Variants in ITGAE observed in about 807,000 individuals in gnomAD.
ITGAE encodes the protein integrin subunit alpha E, also known as integrin alpha-E.
A neutral mutation model predicts 136.5 loss-of-function variants in ITGAE; 99 were observed. That is an observed-to-expected ratio of 0.73 (90% CI 0.62 to 0.86). ITGAE has a LOEUF of 0.86. Ranked by LOEUF, ITGAE falls within the 40% of genes least tolerant of loss-of-function variation. The pLI, the probability that ITGAE is intolerant of heterozygous loss-of-function variation, is 0.00. For missense variants in ITGAE, 1,447 were observed against 1,515.3 expected, an observed-to-expected ratio of 0.95 and a Z score of 0.75; for synonymous variants, 613 against 591.8, an observed-to-expected ratio of 1.04 and a Z score of -0.52.
chr17:3,760,710 G>T (rs1420312977), intron 6 of ITGAE, among the ~76,000 whole-genome samples: 1 of 152,030 alleles, frequency 6.6e-6, no homozygotes, highest in African/African-American at 2.4e-5. Context: ...AAAATGCTGG[G>T]ATTACAGGCA....
chr17:3,725,221 C>A (rs1425467067), intron 26 of ITGAE: 2 of 1,614,064 alleles, frequency 1.2e-6, no homozygotes, highest in African/African-American at 1.3e-5. Flanking sequence ...ATGAACAGAA[C>A]AAGTGGTGCT....
At chr17:3,767,307 A>G (rs2052323923) in intron 2 of ITGAE, among the ~76,000 whole-genome samples, 1 of 152,104 alleles carries the variant, frequency 6.6e-6, no homozygotes, top group Non-Finnish European at 1.5e-5. Context: ...CATGTTGGCC[A>G]GGCTGGTCTT....
intron 1 of ITGAE, among the ~76,000 whole-genome samples, chr17:3,796,148 CG>C (rs2053091621): frequency 7.7e-6 from 1 of 130,298 alleles, no homozygotes. Flanking sequence ...TGTGTGCATC[CG>C]TGTGTGTGTG....
chr17:3,759,720 G>C (rs912873872), intron 7 of ITGAE, among the ~76,000 whole-genome samples, 167 bp from the exon 8 acceptor site: 1 of 152,200 alleles, frequency 6.6e-6, no homozygotes, highest in African/African-American at 2.4e-5. Flanking sequence ...GGTGGAGAAG[G>C]GTGCGATAGT....
chr17:3,747,808 C>T lies in ITGAE; in HGVS notation c.2155+114G>A, dbSNP rs531181291. On this transcript the variant is annotated intron_variant, in intron 17 of 30. Transcript: ENST00000263087. ...AATCGAGGGATTTCAAGCACCAGGA[C>T]CTCAGACCAACACCCACCCACCCCC... is the stretch of plus-strand genomic sequence containing the variant. 6.5e-5 allele frequency: 46 copies of T among 709,254 alleles called. No individual in the cohort carries two copies. The African/African-American group carries it at 7.8e-4, about 12-fold the overall frequency. 43.9% of individuals were successfully genotyped at this position (709,254 alleles called of 1,614,324 possible). A position where few individuals can be genotyped will look rare whatever the true frequency, so the allele number is the denominator to read the frequency against.
At chr17:3,750,308 G>A (rs369248020) in intron 16 of ITGAE, 44 bp downstream of exon 16, 1 of 1,608,998 alleles carries the variant, frequency 6.2e-7, no homozygotes, top group African/African-American at 1.3e-5. Flanking sequence ...GGGCAAATGG[G>A]TGAGGCTGGG....
chr17:3,733,144 C>T lies in ITGAE; in HGVS notation c.2656-678G>A, dbSNP rs936667376. Reference sequence around the variant, plus strand: ...GATTATAGGTGCCCACCACCACGCCCGGCTAATTTTTTGTATTTTTAATAG... The same window carrying T: ...GATTATAGGTGCCCACCACCACGCCTGGCTAATTTTTTGTATTTTTAATAG... On this transcript the variant is annotated intron_variant, in intron 21 of 30. Transcript: ENST00000263087. Among the ~76,000 whole-genome samples the T allele has an allele frequency of 1.6e-4, 25 of 152,038 alleles. No individual in the cohort carries two copies. The East Asian group carries it at 1.9e-3, about 12-fold the overall frequency.
intron 5 of ITGAE, 33 bp downstream of exon 5, chr17:3,761,350 ACCAAGGAGATCTCTTTAGAG>A: frequency 6.4e-7 from 1 of 1,553,950 alleles, no homozygotes; most frequent in Non-Finnish European, 8.7e-7. Context: ...TTTCTTGGAG[ACCAAGGAGATCTCTTTAGAG>A]CTATCCAAGG....
chr17:3,725,353 T>A (rs753715682), intron 26 of ITGAE: 1 of 1,613,148 alleles, frequency 6.2e-7, no homozygotes, highest in Non-Finnish European at 8.5e-7. Context: ...AAGGGTCCTG[T>A]CCCCTTTAGC....
chr17:3,734,765 C>CA, intron 21 of ITGAE, 52 bp downstream of exon 21: 1 of 1,607,198 alleles, frequency 6.2e-7, no homozygotes, highest in East Asian at 2.2e-5. Context: ...AGCAGGCATG[C>CA]AGCGAGGGAG....
chr17:3,766,694 C>T (rs2052305267), intron 2 of ITGAE, among the ~76,000 whole-genome samples: 1 of 151,626 alleles, frequency 6.6e-6, no homozygotes. Flanking sequence ...CCCAGCTACT[C>T]GGGAGGCTGA....
At chr17:3,731,073 C>T (rs768305591) in intron 23 of ITGAE, 31 bp downstream of exon 23, 2 of 1,570,526 alleles carry the variant, frequency 1.3e-6, no homozygotes, top group Admixed American at 3.3e-5. Flanking sequence ...GGGTCATAGC[C>T]TGACTCTGCT....
intron 29 of ITGAE, 39 bp from the exon 30 acceptor site, chr17:3,716,837 A>C: frequency 8.4e-7 from 1 of 1,192,826 alleles, no homozygotes; most frequent in Non-Finnish European, 1.2e-6. Flanking sequence ...AATCAGGTGA[A>C]GCAAACAAGG....
chr17:3,742,520 T>C (rs1234562757), intron 19 of ITGAE, among the ~76,000 whole-genome samples: 1 of 150,218 alleles, frequency 6.7e-6, no homozygotes, highest in East Asian at 2.0e-4. Flanking sequence ...AGTGGCACGA[T>C]CTCGGTTCAC....
chr17:3,727,672 T>C (rs1407531735), intron 26 of ITGAE, among the ~76,000 whole-genome samples: 2 of 152,190 alleles, frequency 1.3e-5, no homozygotes, highest in Admixed American at 1.3e-4. Flanking sequence ...GTGCTGGGAT[T>C]ACAGGTGTGA....
At chr17:3,783,366 C>T (rs946305697) in intron 1 of ITGAE, among the ~76,000 whole-genome samples, 11 of 152,042 alleles carry the variant, frequency 7.2e-5, no homozygotes, top group Non-Finnish European at 1.5e-5. Context: ...GTCTCATACT[C>T]GTCCTGACCT....
chr17:3,732,411 A>G lies in ITGAE; in HGVS notation c.2711T>C (p.Ile904Thr). The part of the protein sequence containing the change: ...DDPQPVASVL[I>T]MNCRIGHPVL... ...GGGGTGACCAATCCTGCAGTTCATG[A>G]TCAGGACAGAAGCAACCGGCTGAGG... Residue 904 changes from isoleucine to threonine, a missense_variant, in exon 22 of 31, where the codon ATC (isoleucine) becomes ACC (threonine). Coordinates refer to ENST00000263087, the MANE Select transcript of ITGAE (RefSeq NM_002208.5). 1 of 1,614,198 alleles carries G rather than the reference A, an allele frequency of 6.2e-7. No homozygotes were observed. Among genetic ancestry groups the G allele is most frequent in the Non-Finnish European group, 8.5e-7 (1 of 1,180,030 alleles).
intron 21 of ITGAE, among the ~76,000 whole-genome samples, chr17:3,732,936 C>T (rs1423555858): frequency 1.3e-5 from 2 of 152,176 alleles, no homozygotes; most frequent in East Asian, 1.9e-4. Flanking sequence ...CTCCCAGGGA[C>T]GGTCCATCCC....
intron 1 of ITGAE, among the ~76,000 whole-genome samples, chr17:3,778,596 G>A (rs2052597655): frequency 6.6e-6 from 1 of 152,126 alleles, no homozygotes; most frequent in Admixed American, 6.6e-5. Flanking sequence ...TATGCTGAGT[G>A]ACAGAAGCCT....
Sources: allele counts gnomAD v4.1 joint callset (sites outside exome capture counted in the v4.1 genomes callset), GRCh38; gene constraint gnomAD v4.1.1; transcripts MANE v1.5; gene names NCBI Gene and HGNC (gene_info 2026-07-23, HGNC 2026-07-21).